The following WWOX variants were observed in gnomAD, a reference collection of about 807,000 sequenced individuals.
WWOX encodes the protein WW domain-containing oxidoreductase.
Under a neutral mutation model 46.2 loss-of-function variants are expected in WWOX, and 69 were observed. That is an observed-to-expected ratio of 1.49 (90% CI 1.23 to 1.82). The LOEUF (loss-of-function observed/expected upper bound fraction) is 1.82. WWOX is among the 40% of genes most tolerant of loss of function. The pLI is 0.00. For missense variants in WWOX, 919 were observed against 542.6 expected (o/e 1.69, Z -6.89); for synonymous variants, 359 against 202.6 (o/e 1.77, Z -6.56).
At chr16:78,950,838 GC>G (rs1311182084) in intron 8 of WWOX, among the ~76,000 whole-genome samples, 1 of 152,222 alleles carries the variant, frequency 6.6e-6, no homozygotes, top group East Asian at 1.9e-4. Context: ...GACTTTTGAA[GC>G]AGGGGCTCTG....
chr16:78,305,785 G>A (rs1160902677), intron 5 of WWOX, among the ~76,000 whole-genome samples: 4 of 152,124 alleles, frequency 2.6e-5, no homozygotes, highest in Non-Finnish European at 4.4e-5. Context: ...ATGAGAAATT[G>A]CCGGTGACCT....
At chr16:78,712,057 T>C (rs1344704451) in intron 8 of WWOX, among the ~76,000 whole-genome samples, 1 of 152,164 alleles carries the variant, frequency 6.6e-6, no homozygotes, top group African/African-American at 2.4e-5. Context: ...GTCTCCTATA[T>C]CTTATATTCA....
At chr16:78,131,644 C>T (rs113790273) in intron 4 of WWOX, among the ~76,000 whole-genome samples, 3,039 of 151,726 alleles carry the variant, frequency 0.02, 114 homozygotes, top group African/African-American at 0.07. Flanking sequence ...TGCAATGGCC[C>T]GATCTTGGCT....
intron 8 of WWOX, among the ~76,000 whole-genome samples, chr16:78,451,449 A>C (rs752838029): frequency 2.6e-5 from 4 of 152,228 alleles, no homozygotes; most frequent in Non-Finnish European, 5.9e-5. Flanking sequence ...GTTTGGTTGC[A>C]GAAGGATGCA....
rs910629978 is a variant in WWOX at position 78,998,027 on chromosome 16, C to A, written c.1057-213581C>A. On this transcript the variant is annotated intron_variant, in intron 8 of 8. Transcript: ENST00000566780. ...GAGTAGCTGGGATTACAGGCATGCG[C>A]CACCATACCTAGCTAATTTTGTGTT... Among the ~76,000 whole-genome samples the A allele has an allele frequency of 2.6e-5, 4 of 152,258 alleles. No homozygotes were observed. In the East Asian group the frequency reaches 7.7e-4, roughly 29 times the overall value.
intron 8 of WWOX, among the ~76,000 whole-genome samples, chr16:78,968,200 A>G (rs770491701): frequency 7.2e-5 from 11 of 152,058 alleles, no homozygotes; most frequent in East Asian, 5.8e-4. Flanking sequence ...CGTGGTCTGC[A>G]TGGCACAGCA....
intron 8 of WWOX, among the ~76,000 whole-genome samples, chr16:78,480,367 G>A (rs1196483257): frequency 6.6e-6 from 1 of 152,168 alleles, no homozygotes; most frequent in Admixed American, 6.5e-5. Flanking sequence ...TATAACTTCT[G>A]TTTATCCATT....
At chr16:79,022,151 A>G (rs1375844184) in intron 8 of WWOX, among the ~76,000 whole-genome samples, 5 of 152,288 alleles carry the variant, frequency 3.3e-5, no homozygotes, top group Admixed American at 3.3e-4. Flanking sequence ...GCACCAAGCA[A>G]TTTGCTTTTG....
chr16:78,826,069 A>G, intron 8 of WWOX: 1 of 395,094 alleles, frequency 2.5e-6, no homozygotes. Flanking sequence ...ATTTAATAAA[A>G]TATTGTACAA....
intron 8 of WWOX, 22 bp from the exon 9 acceptor site, chr16:79,211,579 TTTTTTTG>T: frequency 6.2e-7 from 1 of 1,613,636 alleles, no homozygotes; most frequent in South Asian, 1.1e-5. Context: ...TCTTAAAATT[TTTTTTTG>T]TCTTTCTTCT....
At chr16:78,454,743 C>G (rs2083776469) in intron 8 of WWOX, among the ~76,000 whole-genome samples, 1 of 152,212 alleles carries the variant, frequency 6.6e-6, no homozygotes, top group Non-Finnish European at 1.5e-5. Flanking sequence ...GTGATCCATC[C>G]TCCTCAGCCT....
intron 5 of WWOX, among the ~76,000 whole-genome samples, chr16:78,203,826 C>A (rs1196092605): frequency 1.3e-5 from 2 of 152,228 alleles, no homozygotes; most frequent in African/African-American, 4.8e-5. Context: ...ACATTTTACT[C>A]TCCTCCCTTT....
At chr16:78,764,947 A>G (rs937427359) in intron 8 of WWOX, among the ~76,000 whole-genome samples, 7 of 152,154 alleles carry the variant, frequency 4.6e-5, no homozygotes, top group African/African-American at 2.4e-5. Flanking sequence ...GGGCATACAC[A>G]TCTGCTTACA....
In WWOX at chr16:78,327,214, T is replaced by A. The variant is rs190093322; in HGVS notation, c.517-59646T>A. Among the ~76,000 whole-genome samples, 5 of 152,278 alleles carry A rather than the reference T, an allele frequency of 3.3e-5. No individual in the cohort carries two copies. In the South Asian group the frequency reaches 8.3e-4, roughly 25 times the overall value. On this transcript the variant is annotated intron_variant, in intron 5 of 8. Transcript: ENST00000566780. Reference sequence around the variant, plus strand: ...CAAATTATAGGCCAGGTCTGTCTTATGAAAGATGATAAATGGATGTGTCAT... The same window carrying A: ...CAAATTATAGGCCAGGTCTGTCTTAAGAAAGATGATAAATGGATGTGTCAT...
At position 78,406,329 on chromosome 16, in the gene WWOX, TATATATATATATATATATATATATA is replaced by T. The variant is rs1567553387; in HGVS notation, c.606-18540_606-18516del. On this transcript the variant is annotated intron_variant, in intron 6 of 8. Transcript: ENST00000566780. ...ATATATATATATATATATATATATA[TATATATATATATATATATATATATA>T]TTTTATTATTTTTTTTTGAGACGGA... Among the ~76,000 whole-genome samples, 57 of 90,206 alleles carry T rather than the reference TATATATATATATATATATATATATA, an allele frequency of 6.3e-4. 1 individual carries two copies. The highest frequency in any genetic ancestry group is 5.5e-3 in the African/African-American group (51 of 9,274). 59.2% of individuals were successfully genotyped at this position (90,206 alleles called of 152,430 possible).
intron 8 of WWOX, among the ~76,000 whole-genome samples, chr16:78,508,590 C>G (rs1179233934): frequency 6.6e-6 from 1 of 152,118 alleles, no homozygotes; most frequent in Non-Finnish European, 1.5e-5. Context: ...CCAGGTTTTG[C>G]CTGAGAAATT....
chr16:79,183,333 A>C (rs2050949734), intron 8 of WWOX, among the ~76,000 whole-genome samples: 1 of 152,236 alleles, frequency 6.6e-6, no homozygotes, highest in Non-Finnish European at 1.5e-5. Flanking sequence ...AGAAGGAAAA[A>C]AATGAGAGGA....
chr16:78,265,625 C>CCT (rs2079345778), intron 5 of WWOX, among the ~76,000 whole-genome samples: 4 of 150,872 alleles, frequency 2.7e-5, no homozygotes, highest in Admixed American at 6.6e-5. Flanking sequence ...TTGCAGTCAG[C>CCT]TGAGATTGTG....
At chr16:79,011,261 C>G (rs1045438213) in intron 8 of WWOX, among the ~76,000 whole-genome samples, 51 of 151,218 alleles carry the variant, frequency 3.4e-4, no homozygotes, top group African/African-American at 1.2e-3. Flanking sequence ...TAAGGACATT[C>G]TTCTATGCAA....
Sources: allele counts gnomAD v4.1 joint callset (sites outside exome capture counted in the v4.1 genomes callset), GRCh38; gene constraint gnomAD v4.1.1; transcripts MANE v1.5; gene names NCBI Gene and HGNC (gene_info 2026-07-23, HGNC 2026-07-21).